TENM1: variants seen among roughly 807,000 people sequenced by gnomAD.
The protein encoded by TENM1 is teneurin transmembrane protein 1.
In TENM1, 35 loss-of-function variants were observed where a neutral mutation model predicts 174.8. That is an observed-to-expected ratio of 0.20 (90% CI 0.15 to 0.27). The LOEUF (loss-of-function observed/expected upper bound fraction) is 0.27, where lower values mean the gene tolerates loss of function less well. Ranked by LOEUF, TENM1 falls within the 10% of genes least tolerant of loss-of-function variation. The probability of loss-of-function intolerance (pLI) is 1.00; values close to 1 mark genes in which losing one functional copy is unlikely to be tolerated. For missense variants in TENM1, 1,633 were observed against 2,130.1 expected (o/e 0.77, Z 4.59); for synonymous variants, 781 against 798.7 (o/e 0.98, Z 0.37).
At chrX:124,488,758 T>C (rs1434381620) in intron 20 of TENM1, among the ~76,000 whole-genome samples, 1 of 112,270 alleles carries the variant, frequency 8.9e-6, no homozygotes, top group Non-Finnish European at 1.9e-5. Flanking sequence ...GAAAGTTTAG[T>C]TGTGAAAGTA....
At chrX:124,702,868 A>G (rs754593596) in intron 5 of TENM1, among the ~76,000 whole-genome samples, 1 of 111,845 alleles carries the variant, frequency 8.9e-6, no homozygotes, top group East Asian at 2.8e-4. Flanking sequence ...ACAAGGAAAG[A>G]GCTTAGCATA....
At chrX:124,870,873 C>CA (rs2057096880) in intron 3 of TENM1, among the ~76,000 whole-genome samples, 1 of 111,362 alleles carries the variant, frequency 9.0e-6, no homozygotes, top group African/African-American at 3.3e-5. Context: ...AAATAATTGA[C>CA]ACATTATAAT....
chrX:124,538,053 G>A (rs1435190768), intron 15 of TENM1, among the ~76,000 whole-genome samples: 1 of 112,033 alleles, frequency 8.9e-6, no homozygotes, highest in African/African-American at 3.2e-5. Context: ...AGAAGTGAAA[G>A]TCTCACATTG....
chrX:125,077,066 C>A, the TENM1 span, among the ~76,000 whole-genome samples: 2 of 110,104 alleles, frequency 1.8e-5, no homozygotes, highest in Non-Finnish European at 3.8e-5. Context: ...TAAATGCCAT[C>A]GTATTTCAAA....
At chrX:124,738,316 G>A (rs1400557593) in intron 3 of TENM1, among the ~76,000 whole-genome samples, 7 of 110,837 alleles carry the variant, frequency 6.3e-5, no homozygotes, top group Non-Finnish European at 9.4e-5. Flanking sequence ...CCACTTTGCA[G>A]TGGCTGATCA....
chrX:124,689,371 A>C (rs2052459185), intron 5 of TENM1, among the ~76,000 whole-genome samples: 1 of 112,394 alleles, frequency 8.9e-6, no homozygotes, highest in Non-Finnish European at 1.9e-5. Flanking sequence ...TTTGAAAATT[A>C]CTCAAATGTC....
At chrX:125,120,686 G>T in the TENM1 span, among the ~76,000 whole-genome samples, 1 of 111,719 alleles carries the variant, frequency 9.0e-6, no homozygotes, top group African/African-American at 3.3e-5. Context: ...ACTCATGGGT[G>T]CTCAACAAAT....
intron 3 of TENM1, among the ~76,000 whole-genome samples, chrX:124,748,512 G>T (rs1367256397): frequency 2.7e-5 from 3 of 111,097 alleles, no homozygotes; most frequent in East Asian, 5.6e-4. Flanking sequence ...CCAAAGAAAA[G>T]GAGAAATTAA....
chrX:124,394,592 T>G (rs1468095627), intron 27 of TENM1, among the ~76,000 whole-genome samples: 2 of 112,082 alleles, frequency 1.8e-5, no homozygotes, highest in South Asian at 3.7e-4. Flanking sequence ...ATAAAAGAGA[T>G]AACTTTTTCA....
At chrX:124,646,671 A>G (rs1255229747) in intron 9 of TENM1, 38 bp downstream of exon 12, 1 of 991,186 alleles carries the variant, frequency 1.0e-6, no homozygotes, top group Non-Finnish European at 1.4e-6. Context: ...AATCACATCT[A>G]TTTTCCTAAA....
At chrX:125,111,182 T>C in the TENM1 span, among the ~76,000 whole-genome samples, 1 of 112,301 alleles carries the variant, frequency 8.9e-6, no homozygotes, top group African/African-American at 3.2e-5. Flanking sequence ...CACAACACTG[T>C]TTCTATGAGA....
intron 3 of TENM1, among the ~76,000 whole-genome samples, chrX:124,823,594 C>T (rs1288280652): frequency 9.1e-6 from 1 of 110,493 alleles, no homozygotes; most frequent in Non-Finnish European, 1.9e-5. Context: ...TAGCTTTTAA[C>T]TATGGACCCC....
chrX:124,441,689 C>A (rs993624868), intron 23 of TENM1, among the ~76,000 whole-genome samples: 18 of 112,312 alleles, frequency 1.6e-4, no homozygotes, highest in South Asian at 7.4e-4. Context: ...CATTGCTGAG[C>A]AGTTAAAATT....
At chrX:125,035,445 G>A in the TENM1 span, among the ~76,000 whole-genome samples, 14 of 111,734 alleles carry the variant, frequency 1.3e-4, no homozygotes, top group Non-Finnish European at 1.9e-4. Flanking sequence ...CTGTAGTTAC[G>A]TGTAATGTTG....
At chrX:124,628,866 T>C (rs766006927) in intron 11 of TENM1, among the ~76,000 whole-genome samples, 1 of 111,883 alleles carries the variant, frequency 8.9e-6, no homozygotes, top group Non-Finnish European at 1.9e-5. Context: ...GTAGCTTCAG[T>C]GAGGTCTTCT....
chrX:125,039,784 G>A, the TENM1 span, among the ~76,000 whole-genome samples: 73 of 111,343 alleles, frequency 6.6e-4, 1 homozygote, highest in Non-Finnish European at 1.1e-3. Context: ...ACAGAAGACC[G>A]TCTGTTCAAA....
chrX:125,069,128 G>C, the TENM1 span, among the ~76,000 whole-genome samples: 1 of 111,523 alleles, frequency 9.0e-6, no homozygotes, highest in Admixed American at 9.5e-5. Context: ...GTACCCAACA[G>C]GCAATTTCTT....
At chrX:124,515,878 G>C (rs1171793323) in intron 18 of TENM1, among the ~76,000 whole-genome samples, 3 of 105,731 alleles carry the variant, frequency 2.8e-5, no homozygotes, top group African/African-American at 1.0e-4. Context: ...CCCCAAAAAA[G>C]CCTAAATAGC....
chrX:124,959,610 C>T (rs989835293), intron 1 of TENM1, among the ~76,000 whole-genome samples: 1 of 111,015 alleles, frequency 9.0e-6, no homozygotes, highest in Non-Finnish European at 1.9e-5. Flanking sequence ...GAATCCTAGA[C>T]ACACTTTTCC....
Sources: allele counts gnomAD v4.1 joint callset (sites outside exome capture counted in the v4.1 genomes callset), GRCh38; gene constraint gnomAD v4.1.1; transcripts MANE v1.5; gene names NCBI Gene and HGNC (gene_info 2026-07-23, HGNC 2026-07-21).